The following ADARB2 variants were observed in gnomAD, a reference collection of about 807,000 sequenced individuals.
ADARB2 encodes adenosine deaminase RNA specific B2 (inactive), also known as inactive double-stranded RNA-specific editase B2.
In ADARB2, 25 loss-of-function variants were observed where a neutral mutation model predicts 62.2. That is an observed-to-expected ratio of 0.40 (90% CI 0.29 to 0.56). The LOEUF is 0.56. ADARB2 is among the 20% of genes least tolerant of loss of function. The pLI is 0.43. For synonymous variants in ADARB2, 572 were observed against 500.8 expected, an observed-to-expected ratio of 1.14 and a Z score of -1.90; for missense variants, 1,071 against 1,077.4, an observed-to-expected ratio of 0.99 and a Z score of 0.08.
intron 1 of ADARB2, among the ~76,000 whole-genome samples, chr10:1,443,450 T>C (rs1056966198): frequency 6.6e-6 from 1 of 152,216 alleles, no homozygotes; most frequent in Non-Finnish European, 1.5e-5. Context: ...CTGCCATTCC[T>C]AACAACTTCT....
At chr10:1,647,628 G>A (rs1251692788) in intron 1 of ADARB2, among the ~76,000 whole-genome samples, 4 of 151,982 alleles carry the variant, frequency 2.6e-5, no homozygotes, top group Admixed American at 6.6e-5. Flanking sequence ...ATTTATATGT[G>A]TGTGGATATA....
At chr10:1,650,828 G>T (rs1426169079) in intron 1 of ADARB2, among the ~76,000 whole-genome samples, 1 of 152,162 alleles carries the variant, frequency 6.6e-6, no homozygotes, top group Non-Finnish European at 1.5e-5. Context: ...CTAGCAGAGG[G>T]TCGAGGGACA....
chr10:1,177,506 A>G lies in ADARB2; in HGVS notation c.*5687T>C, dbSNP rs967817446. The G allele has an allele frequency of 2.6e-5, 4 of 152,184 alleles. No individual in the cohort carries two copies. Among genetic ancestry groups the G allele is most frequent in the Non-Finnish European group, 5.9e-5 (4 of 68,034 alleles). The allele number at this position is 152,184 out of a possible 1,614,324, so 9.4% of individuals were successfully genotyped here. A position where few individuals can be genotyped will look rare whatever the true frequency, so the allele number is the denominator to read the frequency against. ...TGCCATTCTATCATGCTTTTTATGT[A>G]CATACCTTCAATTAGAATTACTATG... On this transcript the variant is annotated 3_prime_UTR_variant, in exon 10 of 10. Coordinates refer to ENST00000381312, the MANE Select transcript of ADARB2 (RefSeq NM_018702.4).
At chr10:1,307,651 T>C (rs1332507696) in intron 3 of ADARB2, among the ~76,000 whole-genome samples, 3 of 120,544 alleles carry the variant, frequency 2.5e-5, no homozygotes, top group Admixed American at 8.8e-5. Context: ...TGTGGCATTA[T>C]TCACAATAGC....
chr10:1,370,026 A>G (rs1200912924), intron 2 of ADARB2, among the ~76,000 whole-genome samples: 3 of 152,218 alleles, frequency 2.0e-5, no homozygotes, highest in Non-Finnish European at 2.9e-5. Context: ...TGCGTGTAAC[A>G]GTTTTAGCAT....
At chr10:1,688,125 G>A (rs755281067) in intron 1 of ADARB2, among the ~76,000 whole-genome samples, 4 of 152,248 alleles carry the variant, frequency 2.6e-5, no homozygotes, top group Admixed American at 1.3e-4. Context: ...CAGGATGTGA[G>A]GGAGTCACTG....
At chr10:1,735,897 A>G (rs962800917) in intron 1 of ADARB2, among the ~76,000 whole-genome samples, 1 of 152,202 alleles carries the variant, frequency 6.6e-6, no homozygotes, top group African/African-American at 2.4e-5. Context: ...GGACCTGGTG[A>G]CGGTTCGAGG....
At chr10:1,686,739 C>T (rs1261162258) in intron 1 of ADARB2, among the ~76,000 whole-genome samples, 1 of 151,992 alleles carries the variant, frequency 6.6e-6, no homozygotes, top group African/African-American at 2.4e-5. Context: ...ATGTGGTGGG[C>T]ACAAGAATAA....
At chr10:1,639,278 G>A (rs978958528) in intron 1 of ADARB2, among the ~76,000 whole-genome samples, 12 of 152,242 alleles carry the variant, frequency 7.9e-5, no homozygotes, top group African/African-American at 2.7e-4. Context: ...GAGGCTGACT[G>A]CATGGTTCTT....
chr10:1,489,529 C>T (rs768663321), intron 1 of ADARB2, among the ~76,000 whole-genome samples: 2 of 152,186 alleles, frequency 1.3e-5, no homozygotes, highest in Non-Finnish European at 2.9e-5. Context: ...GTAGCGGATC[C>T]GCAAGTCTCG....
At chr10:1,360,095 G>A (rs1220285316) in intron 3 of ADARB2, among the ~76,000 whole-genome samples, 1 of 152,276 alleles carries the variant, frequency 6.6e-6, no homozygotes, top group Admixed American at 6.5e-5. Flanking sequence ...TTGTGGTCCT[G>A]CACGTGGAAG....
At chr10:1,736,692 G>A (rs1835306335) in intron 1 of ADARB2, among the ~76,000 whole-genome samples, 1 of 152,212 alleles carries the variant, frequency 6.6e-6, no homozygotes, top group South Asian at 2.1e-4. Flanking sequence ...CTTTGGCACT[G>A]GGAGACGAGA....
intron 1 of ADARB2, among the ~76,000 whole-genome samples, chr10:1,577,311 C>CT (rs1833035862): frequency 4.6e-5 from 5 of 109,298 alleles, no homozygotes; most frequent in African/African-American, 1.5e-4. Flanking sequence ...TCAGGTGCAT[C>CT]CTGGTGTAAG....
At chr10:1,449,703 G>C (rs1831014365) in intron 1 of ADARB2, among the ~76,000 whole-genome samples, 1 of 152,222 alleles carries the variant, frequency 6.6e-6, no homozygotes, top group South Asian at 2.1e-4. Flanking sequence ...CGGGGACACA[G>C]TGAGGCTCAT....
At chr10:1,610,201 C>A (rs1226497394) in intron 1 of ADARB2, among the ~76,000 whole-genome samples, 8 of 152,162 alleles carry the variant, frequency 5.3e-5, no homozygotes, top group Admixed American at 2.6e-4. Context: ...ACCGTGGGCT[C>A]CCTGCCTCCC....
At chr10:1,601,950 C>T (rs576876221) in intron 1 of ADARB2, among the ~76,000 whole-genome samples, 91 of 152,286 alleles carry the variant, frequency 6.0e-4, no homozygotes, top group African/African-American at 2.2e-3. Flanking sequence ...AATTCATGGA[C>T]GTTCTTAGTA....
intron 3 of ADARB2, among the ~76,000 whole-genome samples, chr10:1,332,870 T>A (rs1831942327): frequency 6.6e-6 from 1 of 152,252 alleles, no homozygotes; most frequent in Admixed American, 6.5e-5. Context: ...CTGATTACAT[T>A]GGAAGCAGAG....
chr10:1,276,512 A>G (rs952917925), intron 3 of ADARB2, among the ~76,000 whole-genome samples: 2 of 152,124 alleles, frequency 1.3e-5, no homozygotes, highest in African/African-American at 4.8e-5. Context: ...CTTTAGTTTA[A>G]TTAGATCCCA....
rs567947704 is a variant in ADARB2 at position 1,407,449 on chromosome 10, G to A, written c.101-28289C>T. Among the ~76,000 whole-genome samples the A allele has an allele frequency of 2.0e-5, 3 of 152,330 alleles. No homozygotes were observed. The East Asian group carries it at 5.8e-4, about 29-fold the overall frequency. On this transcript the variant is annotated intron_variant, in intron 1 of 9. Transcript: ENST00000381312. Reference sequence around the variant, plus strand: ...CGGTGGTCCCATTGGTGACCCACTGGCCTTTTTCTCTGCAGGGCTAGGCTG... The same window carrying A: ...CGGTGGTCCCATTGGTGACCCACTGACCTTTTTCTCTGCAGGGCTAGGCTG...
Sources: allele counts gnomAD v4.1 joint callset (sites outside exome capture counted in the v4.1 genomes callset), GRCh38; gene constraint gnomAD v4.1.1; transcripts MANE v1.5; gene names NCBI Gene and HGNC (gene_info 2026-07-23, HGNC 2026-07-21).